Variants in SLC7A11 observed in about 807,000 individuals in gnomAD.
SLC7A11 encodes the protein solute carrier family 7 member 11.
SLC7A11 carries 35 observed loss-of-function variants against 54.5 expected under a neutral mutation model. The ratio of observed to expected loss-of-function variants is 0.64; its 90% confidence interval spans 0.49 to 0.85. The LOEUF (loss-of-function observed/expected upper bound fraction) is 0.85. Ranked by LOEUF, SLC7A11 falls within the 40% of genes least tolerant of loss-of-function variation. The probability of loss-of-function intolerance (pLI) is 0.00; values close to 1 mark genes in which losing one functional copy is unlikely to be tolerated. For missense variants in SLC7A11, 583 were observed against 618.1 expected (o/e 0.94, Z 0.60); for synonymous variants, 230 against 225.2 (o/e 1.02, Z -0.19).
intron 5 of SLC7A11, among the ~76,000 whole-genome samples, chr4:138,218,148 C>T (rs1016239864): frequency 7.9e-5 from 12 of 152,070 alleles, no homozygotes; most frequent in African/African-American, 1.7e-4. Flanking sequence ...ATAGGGTAAA[C>T]GCTCCATTCA....
rs1736710647 is a variant in SLC7A11, at chr4:138,180,507, C to T, written c.1266+134G>A. 3.8e-6 allele frequency: 3 copies of T among 798,954 alleles called. 1 individual carries two copies. Among genetic ancestry groups the T allele is most frequent in the Non-Finnish European group, 5.7e-6 (3 of 526,110 alleles). 49.5% of individuals were successfully genotyped at this position (798,954 alleles called of 1,614,324 possible). A position where few individuals can be genotyped will look rare whatever the true frequency, so the allele number is the denominator to read the frequency against. On this transcript the variant is annotated intron_variant, in intron 10 of 11. Transcript: ENST00000280612. ...AAATAAATCCAACAGGAAAGCACTG[C>T]CTGCAAGAGTTAAACATTTTTATTC...
intron 9 of SLC7A11, among the ~76,000 whole-genome samples, chr4:138,181,345 C>T (rs1181490470): frequency 6.6e-6 from 1 of 151,908 alleles, no homozygotes; most frequent in Non-Finnish European, 1.5e-5. Context: ...GTGTGCTTGC[C>T]GTGTGTGACC....
rs1578649603 is a variant in SLC7A11, at chr4:138,202,075, G to A, written c.791+12510C>T. On this transcript the variant is annotated intron_variant, in intron 6 of 11. Transcript: ENST00000280612. ...TGGATACTTATGGGCAATCCCATATGTCTATGCTCTTGAGAAAAATAATGA... is the reference window on the plus strand; with the variant it reads ...TGGATACTTATGGGCAATCCCATATATCTATGCTCTTGAGAAAAATAATGA... 2.0e-5 allele frequency among the ~76,000 whole-genome samples: 3 copies of A among 152,178 alleles called. No individual in the cohort carries two copies. The East Asian group carries it at 5.8e-4, about 29-fold the overall frequency.
At chr4:138,184,284 T>C (rs975403970) in intron 7 of SLC7A11, among the ~76,000 whole-genome samples, 3 of 152,154 alleles carry the variant, frequency 2.0e-5, no homozygotes, top group African/African-American at 7.2e-5. Flanking sequence ...AGATAATTTA[T>C]TCCCTGTAGA....
At chr4:138,231,965 A>G (rs1420105899) in intron 3 of SLC7A11, among the ~76,000 whole-genome samples, 2 of 152,194 alleles carry the variant, frequency 1.3e-5, no homozygotes, top group Non-Finnish European at 2.9e-5. Context: ...AGTAGTCTCT[A>G]AAATAATTGG....
At position 138,204,136 on chromosome 4, in the gene SLC7A11, A is replaced by G. The variant is rs565780797; in HGVS notation, c.791+10449T>C. 2.0e-5 allele frequency among the ~76,000 whole-genome samples: 3 copies of G among 152,140 alleles called. No individual in the cohort carries two copies. In the South Asian group the frequency reaches 6.2e-4, roughly 32 times the overall value. On this transcript the variant is annotated intron_variant, in intron 6 of 11. Transcript: ENST00000280612. ...TTACTTCCTTAGCCATTCACCTTGT[A>G]CCCTCATGGATCAGCTTTGTTTTCC...
intron 6 of SLC7A11, among the ~76,000 whole-genome samples, chr4:138,199,207 G>A (rs1737211799): frequency 1.3e-5 from 2 of 152,076 alleles, no homozygotes; most frequent in South Asian, 2.1e-4. Flanking sequence ...AACTGTGGGG[G>A]AAACAAAATA....
chr4:138,229,442 G>C (rs1037600862), intron 3 of SLC7A11, among the ~76,000 whole-genome samples: 2 of 152,032 alleles, frequency 1.3e-5, no homozygotes, highest in African/African-American at 4.8e-5. Flanking sequence ...GCTGATTATG[G>C]GTACACATTT....
chr4:138,194,808 G>T (rs1485021628), intron 6 of SLC7A11, among the ~76,000 whole-genome samples: 1 of 152,134 alleles, frequency 6.6e-6, no homozygotes, highest in African/African-American at 2.4e-5. Context: ...GAGTTGACAA[G>T]GGTGTTGAAT....
Position 138,167,650 on chromosome 4 carries a change from A to T in SLC7A11, c.*4306T>A, listed in dbSNP as rs1241908308. ...AGGCTATCAAGGTGACCCATTATCT[A>T]CTCTAATTTATATCCACTATGAGCT... On this transcript the variant is annotated 3_prime_UTR_variant, in exon 12 of 12. Coordinates refer to ENST00000280612, the MANE Select transcript of SLC7A11 (RefSeq NM_014331.4). 6.6e-6 allele frequency: 1 copy of T among 152,104 alleles called. No individual in the cohort carries two copies. Among genetic ancestry groups the T allele is most frequent in the Non-Finnish European group, 1.5e-5 (1 of 68,020 alleles). 9.4% of individuals were successfully genotyped at this position (152,104 alleles called of 1,614,324 possible). A position where few individuals can be genotyped will look rare whatever the true frequency, so the allele number is the denominator to read the frequency against.
chr4:138,216,869 T>G (rs549465165), intron 5 of SLC7A11, among the ~76,000 whole-genome samples: 5 of 152,168 alleles, frequency 3.3e-5, no homozygotes, highest in Middle Eastern at 3.2e-3. Flanking sequence ...TCATTTACAC[T>G]TACCCACTGA....
chr4:138,190,830 C>T (rs1736992244), intron 6 of SLC7A11, among the ~76,000 whole-genome samples: 1 of 152,008 alleles, frequency 6.6e-6, no homozygotes, highest in African/African-American at 2.4e-5. Context: ...GATTGAAGTA[C>T]AAGTAAGCGT....
At chr4:138,225,173 A>ATATATATATATAT (rs1266953642) in intron 3 of SLC7A11, among the ~76,000 whole-genome samples, 4 of 111,084 alleles carry the variant, frequency 3.6e-5, no homozygotes, top group East Asian at 2.9e-4. Context: ...TATATATATA[A>ATATATATATATAT]ATAAAATCAT....
At chr4:138,235,146 G>T (rs557976669) in intron 2 of SLC7A11, among the ~76,000 whole-genome samples, 1 of 152,036 alleles carries the variant, frequency 6.6e-6, no homozygotes, top group South Asian at 2.1e-4. Flanking sequence ...ATTTTCAGAA[G>T]AATTTAGAGA....
intron 6 of SLC7A11, among the ~76,000 whole-genome samples, chr4:138,186,977 A>G (rs1412740123): frequency 6.6e-6 from 1 of 152,170 alleles, no homozygotes; most frequent in Non-Finnish European, 1.5e-5. Flanking sequence ...GCATATGCTT[A>G]AGGTATATAA....
intron 6 of SLC7A11, among the ~76,000 whole-genome samples, chr4:138,213,920 T>A (rs1737617998): frequency 6.6e-6 from 1 of 152,152 alleles, no homozygotes. Context: ...TTCCCTCTTT[T>A]GCCCATGAAT....
intron 3 of SLC7A11, among the ~76,000 whole-genome samples, chr4:138,227,498 C>T (rs1367267473): frequency 6.6e-6 from 1 of 152,108 alleles, no homozygotes; most frequent in Non-Finnish European, 1.5e-5. Flanking sequence ...TGTACAAAGA[C>T]TTTACATGAA....
rs1482730181 is a variant in SLC7A11, at chr4:138,168,710, TCCA to T, written c.*3243_*3245del. On this transcript the variant is annotated 3_prime_UTR_variant, in exon 12 of 12. Transcript: ENST00000280612. ...CCTAATAAGCTGTCCAAATTTTGTG[TCCA>T]CAGGGCTGAGGAGCTACAGTCTAAA... 6.6e-6 allele frequency: 1 copy of T among 152,174 alleles called. No homozygotes were observed. The highest frequency in any genetic ancestry group is 1.5e-5 in the Non-Finnish European group (1 of 68,032). The allele number at this position is 152,174 out of a possible 1,614,324, so 9.4% of individuals were successfully genotyped here.
At position 138,165,606 on chromosome 4, in the gene SLC7A11, T is replaced by C. The variant is rs577819298; in HGVS notation, c.*6350A>G. 1 of 152,258 alleles carries C rather than the reference T, an allele frequency of 6.6e-6. No homozygotes were observed. The highest frequency in any genetic ancestry group is 1.5e-5 in the Non-Finnish European group (1 of 67,980). 9.4% of individuals were successfully genotyped at this position (152,258 alleles called of 1,614,324 possible). ...GAAGTTCTAGTGAAAAGTCATACTA[T>C]TGTGCAAAGATGAAAATTTGGAGCC... On this transcript the variant is annotated 3_prime_UTR_variant, in exon 12 of 12. Coordinates refer to ENST00000280612, the MANE Select transcript of SLC7A11 (RefSeq NM_014331.4).
Sources: allele counts gnomAD v4.1 joint callset (sites outside exome capture counted in the v4.1 genomes callset), GRCh38; gene constraint gnomAD v4.1.1; transcripts MANE v1.5; gene names NCBI Gene and HGNC (gene_info 2026-07-23, HGNC 2026-07-21).